Variants in STMN1 observed in about 807,000 individuals in gnomAD.
STMN1 encodes the protein stathmin.
In STMN1, 3 loss-of-function variants were observed where a neutral mutation model predicts 19.7. The ratio of observed to expected loss-of-function variants is 0.15; its 90% CI spans 0.07 to 0.39. STMN1 has a LOEUF of 0.39. STMN1 is among the 10% of genes least tolerant of loss of function. The pLI is 1.00. For missense variants in STMN1, 99 were observed against 176.0 expected (o/e 0.56, Z 2.48); for synonymous variants, 59 against 58.9 (o/e 1.00, Z -0.01).
Position 25,900,767 on chromosome 1 carries a change from A to G in STMN1, c.*249T>C, listed in dbSNP as rs1437138384. 7.6e-7 allele frequency: 1 copy of G among 1,314,304 alleles called. No homozygotes were observed. The allele number at this position is 1,314,304 out of a possible 1,614,324, so 81.4% of individuals were successfully genotyped here. A position where few individuals can be genotyped will look rare whatever the true frequency, so the allele number is the denominator to read the frequency against. ...CCCAGTACACCAAGTGTACTGAAGTAGAAAAGATGCAACAAGAAAAATAGC... is the reference window on the plus strand; with the variant it reads ...CCCAGTACACCAAGTGTACTGAAGTGGAAAAGATGCAACAAGAAAAATAGC... On this transcript the variant is annotated 3_prime_UTR_variant, in exon 5 of 5. Transcript: ENST00000455785.
downstream of STMN1, chr1:25,884,905 C>T (rs1409165475): frequency 6.5e-6 from 1 of 153,492 alleles, no homozygotes; most frequent in East Asian, 1.9e-4. Flanking sequence ...AGACTCCTGC[C>T]CTCTGCTTGA....
At position 25,900,954 on chromosome 1, in the gene STMN1, G is replaced by A; in HGVS notation, c.*62C>T. On this transcript the variant is annotated 3_prime_UTR_variant, in exon 5 of 5. Coordinates refer to ENST00000455785, the MANE Select transcript of STMN1 (RefSeq NM_005563.4). ...AGGAGGGAAAAAATAAAATGACACT[G>A]GCCAGTACAGTCTTTGGATATTTAG... is the stretch of plus-strand genomic sequence containing the variant. The A allele has an allele frequency of 1.9e-6, 3 of 1,611,218 alleles. No homozygotes were observed. Among genetic ancestry groups the A allele is most frequent in the Non-Finnish European group, 2.5e-6 (3 of 1,179,116 alleles).
chr1:25,901,331 T>C (rs1312735481), intron 4 of STMN1, 160 bp downstream of exon 4: 1 of 1,146,052 alleles, frequency 8.7e-7, no homozygotes, highest in African/African-American at 1.6e-5. Context: ...TGGGAATTAC[T>C]GAATATTCCA....
chr1:25,891,739 G>A lies in STMN1; in HGVS notation c.379-5870C>T, dbSNP rs141366407. On this transcript the variant is annotated intron_variant, in intron 4 of 4. Transcript: ENST00000426559. ...TGGAGGTGGGCCAGTGCAGCAGGCTGTGAGCCCCCTGCTCTCCTCATTCTG... is the reference window on the plus strand; with the variant it reads ...TGGAGGTGGGCCAGTGCAGCAGGCTATGAGCCCCCTGCTCTCCTCATTCTG... Among the ~76,000 whole-genome samples the A allele has an allele frequency of 1.9e-4, 29 of 152,320 alleles. No individual in the cohort carries two copies. The East Asian group carries it at 5.6e-3, about 29-fold the overall frequency.
downstream of STMN1, among the ~76,000 whole-genome samples, chr1:25,896,734 T>C (rs374266632): frequency 2.8e-4 from 42 of 152,336 alleles, no homozygotes; most frequent in South Asian, 8.5e-3. Context: ...AACCCTTTCC[T>C]ACGCCCTTAA....
chr1:25,898,148 T>C (rs1209846123), downstream of STMN1, among the ~76,000 whole-genome samples: 3 of 152,110 alleles, frequency 2.0e-5, no homozygotes, highest in Non-Finnish European at 4.4e-5. Context: ...CTCCACTGCT[T>C]AGAATAAAAA....
At chr1:25,884,272 G>A (rs894879188), downstream of STMN1, 1 of 152,112 alleles carries the variant, frequency 6.6e-6, no homozygotes, top group African/African-American at 2.4e-5. Context: ...GCTGCCCAGA[G>A]TTTGTTGCAG....
intron 4 of STMN1, among the ~76,000 whole-genome samples, chr1:25,894,548 C>A (rs563828270): frequency 6.6e-6 from 1 of 152,178 alleles, no homozygotes; most frequent in East Asian, 1.9e-4. Flanking sequence ...GCCATTGTGG[C>A]ATGCACCTAT....
intron 1 of STMN1, 45 bp from the exon 2 acceptor site, chr1:25,904,783 C>G: frequency 6.6e-7 from 1 of 1,517,680 alleles, no homozygotes; most frequent in South Asian, 1.2e-5. Flanking sequence ...CTTTGCCTTT[C>G]TATATGTCAT....
intron 4 of STMN1, 91 bp downstream of exon 4, chr1:25,901,400 C>T (rs2048872522): frequency 6.9e-7 from 1 of 1,442,256 alleles, no homozygotes; most frequent in Admixed American, 2.3e-5. Flanking sequence ...CAAAAAGACA[C>T]CAAACACCTT....
chr1:25,898,602 C>T (rs952289852), downstream of STMN1, among the ~76,000 whole-genome samples: 4 of 152,240 alleles, frequency 2.6e-5, no homozygotes, highest in Non-Finnish European at 4.4e-5. Context: ...AACCTCTCTC[C>T]ACTGAGCCCA....
downstream of STMN1, among the ~76,000 whole-genome samples, chr1:25,897,085 C>T (rs2048823853): frequency 6.6e-6 from 1 of 152,180 alleles, no homozygotes; most frequent in South Asian, 2.1e-4. Context: ...GAGGCTGAGG[C>T]AGGCAGATCA....
intron 4 of STMN1, among the ~76,000 whole-genome samples, chr1:25,886,152 C>G (rs1347524784): frequency 2.6e-5 from 4 of 152,040 alleles, no homozygotes; most frequent in African/African-American, 9.7e-5. Context: ...GTGGTGATGA[C>G]CTAGGCTCTG....
At chr1:25,888,022 G>T (rs1244031830) in intron 4 of STMN1, among the ~76,000 whole-genome samples, 3 of 152,098 alleles carry the variant, frequency 2.0e-5, no homozygotes, top group Non-Finnish European at 4.4e-5. Flanking sequence ...TAAAGAGGTT[G>T]CCCAGGGGTG....
chr1:25,893,814 G>A (rs949475430), intron 4 of STMN1, among the ~76,000 whole-genome samples: 3 of 152,144 alleles, frequency 2.0e-5, no homozygotes, highest in African/African-American at 7.2e-5. Flanking sequence ...GTGCTGGGAT[G>A]ACAGGTGTGA....
At chr1:25,904,514 G>GAT (rs2048914960) in intron 2 of STMN1, 150 bp downstream of exon 2, 1 of 685,724 alleles carries the variant, frequency 1.5e-6, no homozygotes, top group African/African-American at 1.8e-5. Flanking sequence ...ACATTCAAGT[G>GAT]ATAATCATTT....
intron 4 of STMN1, 194 bp from the exon 5 acceptor site, chr1:25,901,281 C>T: frequency 8.4e-7 from 1 of 1,188,012 alleles, no homozygotes; most frequent in Non-Finnish European, 1.1e-6. Flanking sequence ...TAGAACCTAA[C>T]AAGCTGCCTA....
chr1:25,904,660 C>T lies in STMN1; in HGVS notation c.13+4G>A. On this transcript the variant is annotated splice_donor_region_variant and intron_variant, in intron 2 of 4. Transcript: ENST00000455785. ...ATTTCAGATTTTCCAAATAGATTAC[C>T]TACCAGAAGAAGCCATGGTGAATAG... 6.2e-7 allele frequency: 1 copy of T among 1,613,282 alleles called. No homozygotes were observed. Among genetic ancestry groups the T allele is most frequent in the East Asian group, 2.2e-5 (1 of 44,856 alleles).
downstream of STMN1, chr1:25,884,680 A>G (rs558086904): frequency 7.2e-6 from 1 of 139,354 alleles, no homozygotes; most frequent in African/African-American, 2.8e-5. Flanking sequence ...TGGGCGACAG[A>G]GTGAGACTCT....
Sources: allele counts gnomAD v4.1 joint callset (sites outside exome capture counted in the v4.1 genomes callset), GRCh38; gene constraint gnomAD v4.1.1; transcripts MANE v1.5; gene names NCBI Gene and HGNC (gene_info 2026-07-23, HGNC 2026-07-21).